Variants in DLG2 observed in about 807,000 individuals in gnomAD.
DLG2 encodes the protein disks large homolog 2.
A neutral mutation model predicts 132.5 loss-of-function variants in DLG2; 45 were observed. The ratio of observed to expected loss-of-function variants is 0.34; its 90% CI spans 0.27 to 0.44. The LOEUF (loss-of-function observed/expected upper bound fraction) is 0.44. Ranked by LOEUF, DLG2 falls within the 20% of genes least tolerant of loss-of-function variation. DLG2 has a pLI of 1.00. For missense variants in DLG2, 1,045 were observed against 1,196.9 expected, an observed-to-expected ratio of 0.87 and a Z score of 1.87; for synonymous variants, 424 against 419.6, an observed-to-expected ratio of 1.01 and a Z score of -0.13.
chr11:84,105,020 A>C (rs2154185920), intron 9 of DLG2, among the ~76,000 whole-genome samples: 1 of 152,256 alleles, frequency 6.6e-6, no homozygotes, highest in South Asian at 2.1e-4. Flanking sequence ...TAAATAGTGA[A>C]TTCAGATTTA....
chr11:85,292,906 C>T (rs1004246837), intron 3 of DLG2, among the ~76,000 whole-genome samples: 1 of 151,852 alleles, frequency 6.6e-6, no homozygotes, highest in South Asian at 2.1e-4. Context: ...GAGTCTAGTA[C>T]ATCTTTTTGT....
intron 19 of DLG2, among the ~76,000 whole-genome samples, chr11:83,602,967 C>T (rs1303845068): frequency 6.6e-6 from 1 of 152,022 alleles, no homozygotes; most frequent in Non-Finnish European, 1.5e-5. Context: ...TACACTCAGT[C>T]TAGGCCTATG....
At chr11:85,145,331 T>C (rs1270405897) in intron 5 of DLG2, among the ~76,000 whole-genome samples, 1 of 152,152 alleles carries the variant, frequency 6.6e-6, no homozygotes, top group East Asian at 1.9e-4. Flanking sequence ...ATCTGCTTAA[T>C]TTTCTATGAC....
At chr11:84,125,831 T>G (rs1439511535) in intron 9 of DLG2, among the ~76,000 whole-genome samples, 5 of 152,186 alleles carry the variant, frequency 3.3e-5, no homozygotes, top group Non-Finnish European at 7.3e-5. Context: ...ATTTGAACAG[T>G]GAAATTAATT....
chr11:85,562,738 T>C (rs2153224057), intron 3 of DLG2, among the ~76,000 whole-genome samples: 1 of 151,922 alleles, frequency 6.6e-6, no homozygotes. Context: ...CATCTATTCA[T>C]TCATTCATTC....
At chr11:85,086,148 T>C (rs182837642) in intron 6 of DLG2, among the ~76,000 whole-genome samples, 70 of 152,292 alleles carry the variant, frequency 4.6e-4, no homozygotes, top group Non-Finnish European at 7.9e-4. Context: ...AATTCTAATG[T>C]TTTTTCCATA....
At chr11:83,498,481 G>T (rs536372603) in intron 21 of DLG2, among the ~76,000 whole-genome samples, 1 of 151,866 alleles carries the variant, frequency 6.6e-6, no homozygotes, top group Non-Finnish European at 1.5e-5. Flanking sequence ...AATCACAAGA[G>T]AAAATGAAAC....
chr11:84,540,136 A>G (rs377658069), intron 6 of DLG2, among the ~76,000 whole-genome samples: 5 of 152,096 alleles, frequency 3.3e-5, no homozygotes, highest in Non-Finnish European at 5.9e-5. Flanking sequence ...CATGGGCAAG[A>G]ACTTCATGTC....
intron 10 of DLG2, among the ~76,000 whole-genome samples, chr11:84,082,627 T>G (rs140977752): frequency 5.4e-4 from 83 of 152,338 alleles, no homozygotes; most frequent in African/African-American, 1.9e-3. Context: ...GGCTTTGTGT[T>G]CATAGATTCT....
intron 3 of DLG2, among the ~76,000 whole-genome samples, chr11:85,484,347 A>T (rs964258287): frequency 6.7e-6 from 1 of 149,938 alleles, no homozygotes; most frequent in Non-Finnish European, 1.5e-5. Flanking sequence ...CAAAATTGAC[A>T]AATGGGATCT....
At chr11:84,672,759 G>A (rs761829723) in intron 6 of DLG2, among the ~76,000 whole-genome samples, 2 of 152,164 alleles carry the variant, frequency 1.3e-5, no homozygotes, top group African/African-American at 2.4e-5. Flanking sequence ...GGGCCATGAC[G>A]TGATCCTGGT....
At chr11:83,801,380 T>TA (rs1310467250) in intron 17 of DLG2, among the ~76,000 whole-genome samples, 5 of 152,224 alleles carry the variant, frequency 3.3e-5, no homozygotes, top group Non-Finnish European at 2.9e-5. Context: ...TCTCCTCTGC[T>TA]AAAATCTTTC....
intron 6 of DLG2, among the ~76,000 whole-genome samples, chr11:84,687,773 C>A (rs941755889): frequency 2.0e-5 from 3 of 152,036 alleles, no homozygotes; most frequent in African/African-American, 7.2e-5. Flanking sequence ...TTCTTCAAGT[C>A]ATACATATAC....
intron 9 of DLG2, among the ~76,000 whole-genome samples, chr11:84,160,498 A>T (rs1370514874): frequency 6.6e-6 from 1 of 152,190 alleles, no homozygotes. Context: ...GTTAAAATTT[A>T]AAAAATGAGG....
In DLG2 at chr11:83,706,290, C is replaced by T. The variant is rs144748611; in HGVS notation, c.1826-72965G>A. On this transcript the variant is annotated intron_variant, in intron 18 of 27. Coordinates refer to ENST00000376104, the MANE Select transcript of DLG2 (RefSeq NM_001142699.3). ...TTTATTTGACAATGTTTATTAAGCT[C>T]CTATTCTATATCAGGTGTTGTGCTA... Among the ~76,000 whole-genome samples, 931 of 152,008 alleles carry T rather than the reference C, an allele frequency of 6.1e-3. 3 individuals carry two copies. The highest frequency in any genetic ancestry group is 0.014 in the Middle Eastern group (4 of 294).
chr11:84,393,591 G>T (rs905153501), intron 7 of DLG2, among the ~76,000 whole-genome samples: 1 of 152,038 alleles, frequency 6.6e-6, no homozygotes, highest in Non-Finnish European at 1.5e-5. Flanking sequence ...ATCTAGTTTT[G>T]TGTAGCAGTA....
chr11:85,390,424 T>A (rs900922691), intron 3 of DLG2, among the ~76,000 whole-genome samples: 1 of 152,092 alleles, frequency 6.6e-6, no homozygotes, highest in Non-Finnish European at 1.5e-5. Flanking sequence ...ATTATTCCAC[T>A]GGCAGCACAA....
chr11:84,052,934 A>C (rs1030132679), intron 11 of DLG2, among the ~76,000 whole-genome samples: 5 of 152,084 alleles, frequency 3.3e-5, no homozygotes, highest in Non-Finnish European at 7.4e-5. Context: ...AAAGAAATAT[A>C]AATCATTCTA....
At chr11:84,779,891 C>CA (rs111448212) in intron 6 of DLG2, among the ~76,000 whole-genome samples, 51,343 of 146,162 alleles carry the variant, frequency 0.35, 9,643 homozygotes, top group Non-Finnish European at 0.42. Flanking sequence ...AATCTCTCAA[C>CA]AAAAAAAAAA....
Sources: gnomAD v4.1 joint callset for allele counts (sites outside exome capture counted in the v4.1 genomes callset) on GRCh38, gnomAD v4.1.1 for gene constraint, MANE v1.5 for transcripts, NCBI Gene and HGNC (gene_info 2026-07-23, HGNC 2026-07-21) for gene names.